Variants in MTNR1A observed in about 807,000 individuals in gnomAD.
MTNR1A encodes the protein melatonin receptor 1A.
In MTNR1A, 7 loss-of-function variants were observed where a neutral mutation model predicts 5.5. The observed-to-expected ratio is 1.28, with a 90% CI of 0.73 to 2.40. MTNR1A has a LOEUF of 2.40. MTNR1A is among the 30% of genes most tolerant of loss of function. MTNR1A has a pLI of 0.00. For missense variants in MTNR1A, 441 were observed against 464.4 expected (o/e 0.95, Z 0.46); for synonymous variants, 196 against 202.7 (o/e 0.97, Z 0.28).
At chr4:186,541,145 C>T (rs1307702348) in intron 1 of MTNR1A, among the ~76,000 whole-genome samples, 2 of 152,192 alleles carry the variant, frequency 1.3e-5, no homozygotes, top group Non-Finnish European at 2.9e-5. Context: ...AGAAAAAAAC[C>T]TTCTTGCCTG....
intron 1 of MTNR1A, among the ~76,000 whole-genome samples, chr4:186,540,028 A>G (rs1736974528): frequency 6.6e-6 from 1 of 152,236 alleles, no homozygotes; most frequent in Non-Finnish European, 1.5e-5. Flanking sequence ...CCTCACAATC[A>G]TGGTGGAAGG....
At chr4:186,546,806 A>G (rs1374688966) in intron 1 of MTNR1A, among the ~76,000 whole-genome samples, 4 of 150,576 alleles carry the variant, frequency 2.7e-5, no homozygotes, top group African/African-American at 5.0e-5. Context: ...CACACCGTCC[A>G]CACCACACCC....
intron 1 of MTNR1A, among the ~76,000 whole-genome samples, chr4:186,540,853 T>G (rs866533088): frequency 0.046 from 432 of 9,474 alleles, 1 homozygote; most frequent in African/African-American, 0.12. Flanking sequence ...GCTGTCTGAC[T>G]GAAGGACCAG....
chr4:186,540,365 T>C (rs1044580041), intron 1 of MTNR1A, among the ~76,000 whole-genome samples: 11 of 152,188 alleles, frequency 7.2e-5, no homozygotes, highest in African/African-American at 2.7e-4. Context: ...GTATTTTCAA[T>C]CCATGATTGG....
rs1234513109 is a variant in MTNR1A at position 186,534,104 on chromosome 4, A to G, written c.638T>C (p.Leu213Pro). The change falls in exon 2 of 2, where the codon CTG becomes CCG. Residue 213 changes from leucine (L) to proline (P), a missense_variant. Physicochemically the swap from Leu to Pro is moderately conservative, Grantham distance 98. Transcript: ENST00000307161. The stretch of plus-strand genomic sequence containing the variant: ...CACCCTCTGTCTGACCTGGAGAACC[A>G]GGATCCATATTCTCAGGTAACAGAA... ...VIFCYLRIWI[L>P]VLQVRQRVKP... 1 of 1,614,194 alleles carries G rather than the reference A, an allele frequency of 6.2e-7. No homozygotes were observed. The highest frequency in any genetic ancestry group is 8.5e-7 in the Non-Finnish European group (1 of 1,180,030).
intron 1 of MTNR1A, among the ~76,000 whole-genome samples, chr4:186,539,172 G>A (rs923725578): frequency 2.8e-4 from 41 of 146,982 alleles, no homozygotes; most frequent in Admixed American, 5.5e-4. Flanking sequence ...AGCTGAGATC[G>A]TGCCACTGCA....
chr4:186,548,810 G>GAGATATATAT (rs1553981673), intron 1 of MTNR1A, among the ~76,000 whole-genome samples: 1 of 54,592 alleles, frequency 1.8e-5, no homozygotes, highest in Non-Finnish European at 3.4e-5. Flanking sequence ...AATCTATAAA[G>GAGATATATAT]ATATATATAT....
chr4:186,540,671 C>T (rs1464939935), intron 1 of MTNR1A, among the ~76,000 whole-genome samples: 2 of 151,236 alleles, frequency 1.3e-5, no homozygotes, highest in Non-Finnish European at 2.9e-5. Context: ...GGACCAGGTG[C>T]TGTCTGACTG....
At chr4:186,545,416 C>G (rs905136416) in intron 1 of MTNR1A, among the ~76,000 whole-genome samples, 2 of 152,190 alleles carry the variant, frequency 1.3e-5, no homozygotes, top group Non-Finnish European at 1.5e-5. Flanking sequence ...CTGTCTCCCT[C>G]TGAGACTCAG....
chr4:186,541,373 T>C (rs1237310580), intron 1 of MTNR1A, among the ~76,000 whole-genome samples: 3 of 151,102 alleles, frequency 2.0e-5, no homozygotes, highest in Non-Finnish European at 2.9e-5. Flanking sequence ...CAGTGGCTAA[T>C]GGTCAGCTAG....
intron 1 of MTNR1A, among the ~76,000 whole-genome samples, chr4:186,551,661 G>C (rs1203992053): frequency 6.6e-6 from 1 of 152,068 alleles, no homozygotes; most frequent in African/African-American, 2.4e-5. Flanking sequence ...CAGAATCTAA[G>C]TTTATCCTTC....
intron 1 of MTNR1A, among the ~76,000 whole-genome samples, chr4:186,541,177 A>G (rs1489859135): frequency 1.3e-5 from 2 of 152,156 alleles, no homozygotes; most frequent in African/African-American, 4.8e-5. Flanking sequence ...GCTTTTCATG[A>G]CCTACTGACA....
intron 1 of MTNR1A, among the ~76,000 whole-genome samples, chr4:186,542,710 G>A (rs1737053045): frequency 6.6e-6 from 1 of 152,150 alleles, no homozygotes; most frequent in Admixed American, 6.5e-5. Flanking sequence ...TGATACCCTA[G>A]CAAAATGTTT....
chr4:186,551,579 T>C (rs1737268595), intron 1 of MTNR1A, among the ~76,000 whole-genome samples: 1 of 152,056 alleles, frequency 6.6e-6, no homozygotes, highest in Non-Finnish European at 1.5e-5. Flanking sequence ...GGACGGACGA[T>C]GGGTGGCTGG....
intron 1 of MTNR1A, among the ~76,000 whole-genome samples, chr4:186,551,576 C>T (rs560733601): frequency 2.0e-5 from 3 of 151,996 alleles, no homozygotes; most frequent in South Asian, 4.2e-4. Context: ...GATGGACGGA[C>T]GATGGGTGGC....
Position 186,534,469 on chromosome 4 carries a change from G to A in MTNR1A, c.273C>T (p.Asn91=), listed in dbSNP as rs377059126. ...AGTGCAGATAGCCCAGGTTCCACCC[G>A]TTGTTAAATATCGACATCAGCACCA... ...YPLVLMSIFN[N]GWNLGYLHCQ... The change falls in exon 2 of 2, where the codon AAC becomes AAT. Residue 91 remains asparagine, a synonymous_variant. Transcript: ENST00000307161. 3.3e-5 allele frequency: 54 copies of A among 1,614,118 alleles called. No individual in the cohort carries two copies. The highest frequency in any genetic ancestry group is 4.2e-5 in the Non-Finnish European group (50 of 1,180,026).
Position 186,548,416 on chromosome 4 carries a change from A to G in MTNR1A, c.184+6766T>C, listed in dbSNP as rs141854298. ...TAAAACTTTGACTCTATTTTTATGT[A>G]CTTACAGAGTATTTAAAGACCTGTA... is the stretch of plus-strand genomic sequence containing the variant. On this transcript the variant is annotated intron_variant, in intron 1 of 1. Coordinates refer to ENST00000307161, the MANE Select transcript of MTNR1A (RefSeq NM_005958.4). Among the ~76,000 whole-genome samples, 641 of 152,306 alleles carry G rather than the reference A, an allele frequency of 4.2e-3. 13 individuals carry two copies. Among genetic ancestry groups the G allele is most frequent in the East Asian group, 0.039 (201 of 5,176 alleles).
chr4:186,538,149 T>C (rs1736917305), intron 1 of MTNR1A, among the ~76,000 whole-genome samples: 1 of 152,252 alleles, frequency 6.6e-6, no homozygotes, highest in Non-Finnish European at 1.5e-5. Flanking sequence ...ATCGCGATTA[T>C]GTCTCTACTT....
Position 186,533,871 on chromosome 4 carries a change from T to C in MTNR1A, c.871A>G (p.Asn291Asp), listed in dbSNP as rs1423794455. 2 of 1,614,136 alleles carry C rather than the reference T, an allele frequency of 1.2e-6. No homozygotes were observed. ...TTCAGTAGCCCGTATATAATGGCAT[T>C]GAGGCAGCTGTTGAAATACGCCATG... Reference protein sequence around the residue: ...YYMAYFNSCLNAIIYGLLNQN... With the variant: ...YYMAYFNSCLDAIIYGLLNQN... The change falls in exon 2 of 2, where the codon AAT becomes GAT. Residue 291 changes from asparagine to aspartate, a missense_variant. By Grantham distance (23) the Asn-to-Asp change is conservative (BLOSUM62 1). Coordinates refer to ENST00000307161, the MANE Select transcript of MTNR1A (RefSeq NM_005958.4).
Sources: gnomAD v4.1 joint callset for allele counts (sites outside exome capture counted in the v4.1 genomes callset) on GRCh38, gnomAD v4.1.1 for gene constraint, MANE v1.5 for transcripts, NCBI Gene and HGNC (gene_info 2026-07-23, HGNC 2026-07-21) for gene names.